NF1: variants seen among roughly 807,000 people sequenced by gnomAD.
The protein encoded by NF1 is neurofibromin 1.
Under a neutral mutation model 325.7 loss-of-function variants are expected in NF1, and 122 were observed. The observed-to-expected ratio is 0.37, with a 90% CI of 0.32 to 0.44. The LOEUF is 0.44. Among genes scored for constraint, NF1 ranks in the 20% least tolerant of loss-of-function variants. The pLI is 1.00. For synonymous variants in NF1, 1,091 were observed against 1,186.0 expected (o/e 0.92, Z 1.65); for missense variants, 2,140 against 3,415.4 (o/e 0.63, Z 9.31).
At chr17:31,365,448 T>G (rs1356851901) in intron 57 of NF1, among the ~76,000 whole-genome samples, 1 of 152,192 alleles carries the variant, frequency 6.6e-6, no homozygotes, top group African/African-American at 2.4e-5. Flanking sequence ...TAGGTGTATG[T>G]TAAGTATGTA....
rs1444408401 is a variant in NF1 at position 31,219,189 on chromosome 17, G to A, written c.1641+71G>A. On this transcript the variant is annotated intron_variant, in intron 14 of 57. Coordinates refer to ENST00000358273, the MANE Select transcript of NF1 (RefSeq NM_001042492.3). Reference sequence around the variant, plus strand: ...TATGTACATTCATGATGTTCCTTTGGTGTGTGGTTTCTGTGAGTAACAGGT... The same window carrying A: ...TATGTACATTCATGATGTTCCTTTGATGTGTGGTTTCTGTGAGTAACAGGT... 8 of 1,512,566 alleles carry A rather than the reference G, an allele frequency of 5.3e-6. No homozygotes were observed. In the East Asian group the frequency reaches 1.2e-4, roughly 22 times the overall value. The allele number at this position is 1,512,566 out of a possible 1,614,324, so 93.7% of individuals were successfully genotyped here.
chr17:31,190,012 C>T (rs897835110), intron 8 of NF1, among the ~76,000 whole-genome samples: 11 of 147,786 alleles, frequency 7.4e-5, no homozygotes, highest in African/African-American at 1.7e-4. Flanking sequence ...CTGCCTGCCT[C>T]GGGCCTCCCA....
At chr17:31,313,849 A>T (rs1490545387) in intron 36 of NF1, 2 of 390,650 alleles carry the variant, frequency 5.1e-6, no homozygotes, top group East Asian at 7.3e-5. Flanking sequence ...ATTCTATGCA[A>T]CAAAACCACA....
intron 5 of NF1, among the ~76,000 whole-genome samples, chr17:31,178,715 GTC>G (rs2066069712): frequency 6.6e-6 from 1 of 152,086 alleles, no homozygotes; most frequent in Non-Finnish European, 1.5e-5. Flanking sequence ...TGCAATCCTA[GTC>G]TCTGATAAAA....
intron 2 of NF1, among the ~76,000 whole-genome samples, chr17:31,158,587 T>C (rs1482565413): frequency 6.6e-6 from 1 of 152,192 alleles, no homozygotes; most frequent in Non-Finnish European, 1.5e-5. Context: ...TATGTAGTAT[T>C]CATTTTGAGG....
intron 1 of NF1, among the ~76,000 whole-genome samples, chr17:31,115,535 A>G (rs1913826281): frequency 6.6e-6 from 1 of 152,190 alleles, no homozygotes; most frequent in Non-Finnish European, 1.5e-5. Context: ...AGGCCTTTGT[A>G]TTCTAGCTAT....
intron 36 of NF1, among the ~76,000 whole-genome samples, chr17:31,276,940 TA>T (rs17887120): frequency 0.56 from 85,167 of 151,960 alleles, 26,348 homozygotes; most frequent in Middle Eastern, 0.77. Context: ...AAACTACTAA[TA>T]AGACTGTTGA....
At chr17:31,177,142 G>A (rs187219559) in intron 5 of NF1, among the ~76,000 whole-genome samples, 1 of 152,240 alleles carries the variant, frequency 6.6e-6, no homozygotes, top group East Asian at 1.9e-4. Context: ...GATGAGCATG[G>A]AATGTTTTTC....
intron 1 of NF1, among the ~76,000 whole-genome samples, chr17:31,154,417 A>G (rs2143613792): frequency 6.6e-6 from 1 of 152,252 alleles, no homozygotes; most frequent in Middle Eastern, 3.4e-3. Context: ...ATGAAACCCT[A>G]GTTCAAGAAA....
At chr17:31,202,680 C>G (rs190545561) in intron 11 of NF1, among the ~76,000 whole-genome samples, 1 of 152,194 alleles carries the variant, frequency 6.6e-6, no homozygotes, top group East Asian at 1.9e-4. Context: ...GGAATGATAC[C>G]TCCTCCCTTA....
chr17:31,249,920 T>C (rs1567858751), intron 30 of NF1: 1 of 484,868 alleles, frequency 2.1e-6, no homozygotes, highest in Non-Finnish European at 4.1e-6. Context: ...TACACAGTTA[T>C]CAAAACCCAT....
chr17:31,159,097 A>T lies in NF1; in HGVS notation c.288+4A>T, dbSNP rs781459468. 6.3e-7 allele frequency: 1 copy of T among 1,586,428 alleles called. No homozygotes were observed. The highest frequency in any genetic ancestry group is 8.7e-7 in the Non-Finnish European group (1 of 1,155,160). ...ACTGGAAAAATGTCTTGCTGGGGTA[A>T]GTAAATTGATCTTAAGTAGGCAGGC... On this transcript the variant is annotated splice_donor_region_variant and intron_variant, in intron 3 of 57. Coordinates refer to ENST00000358273, the MANE Select transcript of NF1 (RefSeq NM_001042492.3).
intron 36 of NF1, chr17:31,272,108 A>G (rs1437608381): frequency 6.6e-6 from 1 of 152,218 alleles, no homozygotes; most frequent in Non-Finnish European, 1.5e-5. Context: ...ACACAATTAT[A>G]ATTTGCAAAA....
In NF1 at chr17:31,357,364, T is replaced by C. The variant is rs748355760; in HGVS notation, c.7965T>C (p.Pro2655=). ...GTGTTGTGTTTCCCAAAGTCTTTCCTGTTGTGTAAGTATCTCCTTTTGATT... is the reference window on the plus strand; with the variant it reads ...GTGTTGTGTTTCCCAAAGTCTTTCCCGTTGTGTAAGTATCTCCTTTTGATT... ...EASVVFPKVF[P]VVHNLLDSKI... Residue 2655 remains proline, a synonymous_variant, in exon 54 of 58, where the codon CCT becomes CCC. Coordinates refer to ENST00000358273, the MANE Select transcript of NF1 (RefSeq NM_001042492.3). 6.2e-7 allele frequency: 1 copy of C among 1,611,482 alleles called. No individual in the cohort carries two copies. The highest frequency in any genetic ancestry group is 1.1e-5 in the South Asian group (1 of 91,024).
At position 31,223,428 on chromosome 17, in the gene NF1, C is replaced by T. The variant is rs759896772; in HGVS notation, c.1722-16C>T. 5 of 1,609,974 alleles carry T rather than the reference C, an allele frequency of 3.1e-6. No individual in the cohort carries two copies. The highest frequency in any genetic ancestry group is 4.2e-6 in the Non-Finnish European group (5 of 1,178,038). ...TATTGATGATGCTAGTAACAATGAA[C>T]TTTATGTTACTGCAGCTCACAAATG... On this transcript the variant is annotated splice_polypyrimidine_tract_variant and intron_variant, in intron 15 of 57. Transcript: ENST00000358273.
In NF1 at chr17:31,232,814, C is replaced by T. The variant is rs2151434709; in HGVS notation, c.3429C>T (p.His1143=). ...CTCGGAGGCTGGCATCACTGAGGCA[C>T]TGTACGGTCCTTGCAATGTCAAACT... ...GMSRRLASLR[H]CTVLAMSNLL... The change falls in exon 26 of 58, where the codon CAC becomes CAT. Residue 1143 remains histidine (H), a synonymous_variant. Coordinates refer to ENST00000358273, the MANE Select transcript of NF1 (RefSeq NM_001042492.3). The T allele has an allele frequency of 6.2e-7, 1 of 1,614,114 alleles. No individual in the cohort carries two copies. Among genetic ancestry groups the T allele is most frequent in the Non-Finnish European group, 8.5e-7 (1 of 1,180,020 alleles).
intron 36 of NF1, among the ~76,000 whole-genome samples, chr17:31,290,731 C>T (rs2068328152): frequency 6.6e-6 from 1 of 152,142 alleles, no homozygotes; most frequent in Admixed American, 6.5e-5. Flanking sequence ...ATCGGCCGGG[C>T]ACGGTGGCTC....
At position 31,334,923 on chromosome 17, in the gene NF1, C is replaced by G. The variant is rs2151550470; in HGVS notation, c.5898C>G (p.Ala1966=). ...GTTTTTGCAAGCATAATGATGATGCCAAACGACAAAGAGTTACTGCTATTC... is the reference window on the plus strand; with the variant it reads ...GTTTTTGCAAGCATAATGATGATGCGAAACGACAAAGAGTTACTGCTATTC... ...LVRFCKHNDD[A]KRQRVTAILD... is the part of the protein sequence containing the mutation. The change falls in exon 40 of 58, where the codon GCC becomes GCG. Residue 1966 remains alanine (A), a synonymous_variant. Coordinates refer to ENST00000358273, the MANE Select transcript of NF1 (RefSeq NM_001042492.3). The G allele has an allele frequency of 6.2e-7, 1 of 1,613,548 alleles. No homozygotes were observed. Among genetic ancestry groups the G allele is most frequent in the African/African-American group, 1.3e-5 (1 of 74,906 alleles).
chr17:31,224,888 G>A, intron 16 of NF1, among the ~76,000 whole-genome samples: 1 of 152,154 alleles, frequency 6.6e-6, no homozygotes, highest in East Asian at 1.9e-4. Context: ...ATGATTTAGA[G>A]AATGGGAAAC....
Sources: allele counts gnomAD v4.1 joint callset (sites outside exome capture counted in the v4.1 genomes callset), GRCh38; gene constraint gnomAD v4.1.1; transcripts MANE v1.5; gene names NCBI Gene and HGNC (gene_info 2026-07-23, HGNC 2026-07-21).